The following TRHDE variants were observed in gnomAD, a reference collection of about 807,000 sequenced individuals.
TRHDE encodes the protein thyrotropin-releasing hormone-degrading ectoenzyme.
TRHDE carries 72 observed loss-of-function variants against 125.7 expected under a neutral mutation model. The observed-to-expected ratio is 0.57, with a 90% CI of 0.47 to 0.70. The LOEUF is 0.70. Ranked by LOEUF, TRHDE falls within the 30% of genes least tolerant of loss-of-function variation. The pLI is 0.00. For missense variants in TRHDE, 1,110 were observed against 1,327.1 expected (o/e 0.84, Z 2.54); for synonymous variants, 509 against 509.1 (o/e 1.00, Z 0.00).
At chr12:72,613,950 G>C (rs1872717794) in intron 12 of TRHDE, among the ~76,000 whole-genome samples, 1 of 152,034 alleles carries the variant, frequency 6.6e-6, no homozygotes, top group Non-Finnish European at 1.5e-5. Context: ...TGTCAGTCTG[G>C]GGAGGCCTCA....
At chr12:72,363,704 G>C (rs1251665267) in intron 2 of TRHDE, among the ~76,000 whole-genome samples, 1 of 152,020 alleles carries the variant, frequency 6.6e-6, no homozygotes, top group East Asian at 1.9e-4. Context: ...CCTTTGAAAA[G>C]TGGCACAAGA....
At chr12:72,247,610 A>C (rs1173186118) in intron 2 of TRHDE, among the ~76,000 whole-genome samples, 3 of 152,200 alleles carry the variant, frequency 2.0e-5, no homozygotes, top group African/African-American at 7.2e-5. Context: ...TCACTGTAGA[A>C]CATTGCATAG....
chr12:72,405,526 A>G (rs1354241607), intron 3 of TRHDE, among the ~76,000 whole-genome samples: 2 of 152,160 alleles, frequency 1.3e-5, no homozygotes, highest in Non-Finnish European at 2.9e-5. Context: ...CCACCACTAC[A>G]TTAAGTCTCT....
At chr12:72,129,453 T>C (rs1011602092) in intron 2 of TRHDE, among the ~76,000 whole-genome samples, 2 of 152,164 alleles carry the variant, frequency 1.3e-5, no homozygotes, top group Admixed American at 6.5e-5. Context: ...TTCCTAACAC[T>C]CTGTAAATTG....
At chr12:72,465,905 C>T (rs1876350259) in intron 3 of TRHDE, among the ~76,000 whole-genome samples, 8 of 152,090 alleles carry the variant, frequency 5.3e-5, no homozygotes, top group Admixed American at 5.2e-4. Context: ...ATCATGGTTC[C>T]TCATATTTAT....
intron 2 of TRHDE, among the ~76,000 whole-genome samples, chr12:72,212,925 CA>C (rs1231377981): frequency 6.6e-6 from 1 of 152,006 alleles, no homozygotes; most frequent in Non-Finnish European, 1.5e-5. Context: ...AAAGTAAAAA[CA>C]ATTCAAATGT....
intron 2 of TRHDE, among the ~76,000 whole-genome samples, chr12:72,338,326 G>T (rs1050487283): frequency 6.6e-6 from 1 of 152,146 alleles, no homozygotes; most frequent in South Asian, 2.1e-4. Flanking sequence ...AGGGTTGATC[G>T]TGTAAACAGA....
intron 2 of TRHDE, among the ~76,000 whole-genome samples, chr12:72,298,659 T>C (rs1375897759): frequency 1.3e-5 from 2 of 152,188 alleles, no homozygotes; most frequent in African/African-American, 4.8e-5. Flanking sequence ...TTGTATGTCA[T>C]GTTAAGGAGT....
At chr12:72,346,673 G>T (rs994947145) in intron 2 of TRHDE, among the ~76,000 whole-genome samples, 1 of 152,056 alleles carries the variant, frequency 6.6e-6, no homozygotes, top group Non-Finnish European at 1.5e-5. Context: ...TGGCATCAAA[G>T]AGGCTCTCGT....
At chr12:72,282,457 C>T (rs1246558784) in intron 1 of TRHDE, among the ~76,000 whole-genome samples, 1 of 152,056 alleles carries the variant, frequency 6.6e-6, no homozygotes, top group African/African-American at 2.4e-5. Context: ...TTGAAGGCAA[C>T]CATAAAATAT....
intron 1 of TRHDE, among the ~76,000 whole-genome samples, chr12:72,094,253 G>T (rs888709803): frequency 2.0e-5 from 3 of 152,196 alleles, no homozygotes; most frequent in South Asian, 2.1e-4. Flanking sequence ...CCTGCAAGGG[G>T]TGTCACTGGG....
chr12:72,468,464 T>C (rs1320165497), intron 3 of TRHDE, among the ~76,000 whole-genome samples: 1 of 152,236 alleles, frequency 6.6e-6, no homozygotes, highest in Non-Finnish European at 1.5e-5. Flanking sequence ...CTTGTACAAT[T>C]TTCTGTTGCA....
chr12:72,520,144 C>T (rs1247540682), intron 6 of TRHDE, among the ~76,000 whole-genome samples: 1 of 152,220 alleles, frequency 6.6e-6, no homozygotes. Context: ...GCAGGCAGGC[C>T]TCCTTGAGCT....
intron 2 of TRHDE, among the ~76,000 whole-genome samples, chr12:72,110,985 T>C (rs993278405): frequency 6.6e-6 from 1 of 152,136 alleles, no homozygotes; most frequent in Non-Finnish European, 1.5e-5. Context: ...AGGCAATCTA[T>C]GTTTGTGAAA....
At chr12:72,358,134 T>A (rs143774315) in intron 2 of TRHDE, among the ~76,000 whole-genome samples, 205 of 151,698 alleles carry the variant, frequency 1.4e-3, no homozygotes, top group African/African-American at 4.6e-3. Context: ...CTTTACAACA[T>A]GAATGGTTTA....
Position 72,238,333 on chromosome 12 carries a change from T to TATACAC in TRHDE, n.279+132582_279+132583insTACACA, listed in dbSNP as rs1816632069. On this transcript the variant is annotated intron_variant and non_coding_transcript_variant, in intron 2 of 4. Coordinates refer to the TRHDE transcript ENST00000548156. ...ATATATATATATATACATATATATA[T>TATACAC]ACACATTATATATATATATATATAT... Among the ~76,000 whole-genome samples, 3 of 30,484 alleles carry TATACAC rather than the reference T, an allele frequency of 9.8e-5. 1 individual carries two copies. Among genetic ancestry groups the TATACAC allele is most frequent in the African/African-American group, 3.6e-4 (3 of 8,350 alleles). The allele number at this position is 30,484 out of a possible 152,430, so 20.0% of individuals were successfully genotyped here.
At position 72,331,790 on chromosome 12, in the gene TRHDE, A is replaced by G. The variant is rs532236317; in HGVS notation, c.1188+44836A>G. 3.3e-5 allele frequency among the ~76,000 whole-genome samples: 5 copies of G among 152,326 alleles called. No individual in the cohort carries two copies. In the East Asian group the frequency reaches 9.6e-4, roughly 29 times the overall value. ...GGAAGATAGGCATGTTGAATTACAT[A>G]TGGATCAGTTTGAATGACTAGAATG... On this transcript the variant is annotated intron_variant, in intron 2 of 18. Transcript: ENST00000261180.
chr12:72,272,047 A>G, upstream of TRHDE: 2 of 456,848 alleles, frequency 4.4e-6, no homozygotes, highest in Non-Finnish European at 8.8e-6. The surrounding 1 kb of genome is among the most constrained non-coding windows in gnomAD (Gnocchi z 6.7). Flanking sequence ...AGTCTCTCCC[A>G]CCTCGGCCAT....
chr12:72,576,216 T>C (rs1016275029), intron 12 of TRHDE, among the ~76,000 whole-genome samples: 15 of 152,130 alleles, frequency 9.9e-5, no homozygotes, highest in Non-Finnish European at 2.1e-4. Flanking sequence ...CACAGCCAAG[T>C]ACAGTTTTAA....
Sources: gnomAD v4.1 joint callset for allele counts (sites outside exome capture counted in the v4.1 genomes callset) on GRCh38, gnomAD v4.1.1 for gene constraint, Gnocchi (gnomAD v3.1) non-coding constraint, MANE v1.5 for transcripts, NCBI Gene and HGNC (gene_info 2026-07-23, HGNC 2026-07-21) for gene names.